The following MEGF11 variants were observed in gnomAD, a reference collection of about 807,000 sequenced individuals.
The protein encoded by MEGF11 is multiple EGF like domains 11.
MEGF11 carries 126 observed loss-of-function variants against 146.6 expected under a neutral mutation model. The ratio of observed to expected loss-of-function variants is 0.86; its 90% CI spans 0.74 to 1.00. The LOEUF (loss-of-function observed/expected upper bound fraction) is 1.00. Ranked by LOEUF, MEGF11 falls within the 50% of genes least tolerant of loss-of-function variation. The pLI is 0.00. For synonymous variants in MEGF11, 532 were observed against 583.4 expected (o/e 0.91, Z 1.27); for missense variants, 1,509 against 1,521.2 (o/e 0.99, Z 0.13).
intron 5 of MEGF11, among the ~76,000 whole-genome samples, chr15:66,039,724 G>C (rs1024204995): frequency 6.6e-6 from 1 of 152,256 alleles, no homozygotes; most frequent in South Asian, 2.1e-4. Context: ...ACAGAGCAGA[G>C]GTGAGCCATT....
intron 9 of MEGF11, among the ~76,000 whole-genome samples, chr15:65,961,987 A>G (rs2080872524): frequency 6.6e-6 from 1 of 152,176 alleles, no homozygotes; most frequent in Non-Finnish European, 1.5e-5. Flanking sequence ...ATGCATAGAG[A>G]GGAGAAGAAG....
At chr15:66,182,467 A>G (rs889404557) in intron 1 of MEGF11, among the ~76,000 whole-genome samples, 9 of 152,220 alleles carry the variant, frequency 5.9e-5, no homozygotes, top group Admixed American at 3.3e-4. Flanking sequence ...CACAGGAGTA[A>G]GAACTGTCAC....
intron 1 of MEGF11, among the ~76,000 whole-genome samples, chr15:66,139,152 C>T (rs2089028648): frequency 6.6e-6 from 1 of 152,224 alleles, no homozygotes; most frequent in Non-Finnish European, 1.5e-5. Flanking sequence ...CTCACAGCCA[C>T]ATGCATTTGC....
rs769990613 is a variant in MEGF11 at position 65,982,430 on chromosome 15, G to A, written c.453C>T (p.Gly151=). 4 of 1,499,156 alleles carry A rather than the reference G, an allele frequency of 2.7e-6. No homozygotes were observed. Among genetic ancestry groups the A allele is most frequent in the East Asian group, 2.5e-5 (1 of 40,364 alleles). The allele number at this position is 1,499,156 out of a possible 1,614,324, so 92.9% of individuals were successfully genotyped here. The stretch of plus-strand genomic sequence containing the variant: ...CGCCTGTGATGGGGTTACACAGGGC[G>A]CCGTTCTGGCACTGGCACCGGTTGC... ...HCSNRCQCQN[G]ALCNPITGAC... is the part of the protein sequence containing the mutation. The change falls in exon 6 of 26, where the codon GGC becomes GGT. Residue 151 remains glycine (G), a synonymous_variant. Coordinates refer to ENST00000395614, the MANE Select transcript of MEGF11 (RefSeq NM_001385028.1). The surrounding 1 kb of genome is among the most constrained non-coding windows in gnomAD (Gnocchi z 5.6).
chr15:65,985,849 G>A (rs1212718575), intron 5 of MEGF11, among the ~76,000 whole-genome samples: 2 of 151,950 alleles, frequency 1.3e-5, no homozygotes, highest in East Asian at 1.9e-4. Flanking sequence ...GATTATAGAA[G>A]GACATGTAAA....
intron 8 of MEGF11, among the ~76,000 whole-genome samples, chr15:65,967,768 C>T (rs1350418443): frequency 6.6e-6 from 1 of 152,098 alleles, no homozygotes; most frequent in Non-Finnish European, 1.5e-5. Flanking sequence ...GCTTCCTTCC[C>T]AAGAAGATGC....
At chr15:66,172,424 C>T (rs1415821457) in intron 1 of MEGF11, among the ~76,000 whole-genome samples, 2 of 152,242 alleles carry the variant, frequency 1.3e-5, no homozygotes, top group Non-Finnish European at 2.9e-5. Flanking sequence ...GGCAGCCTTG[C>T]CCTCTGCTTC....
chr15:66,184,347 T>C (rs1381850955), intron 1 of MEGF11, among the ~76,000 whole-genome samples: 1 of 152,130 alleles, frequency 6.6e-6, no homozygotes, highest in Non-Finnish European at 1.5e-5. Context: ...TCAGCTAGCC[T>C]GTGGTCTCCA....
intron 1 of MEGF11, among the ~76,000 whole-genome samples, chr15:66,142,573 G>A (rs779800526): frequency 1.1e-4 from 16 of 152,220 alleles, no homozygotes; most frequent in Non-Finnish European, 1.9e-4. Context: ...GAGCCGGCAC[G>A]ACCGCCAGCC....
intron 3 of MEGF11, 131 bp downstream of exon 3, chr15:66,123,768 A>G: frequency 1.4e-6 from 1 of 699,660 alleles, no homozygotes; most frequent in Non-Finnish European, 2.5e-6. Context: ...CCATCAGCAG[A>G]GCATCTTGGG....
chr15:66,083,761 T>A lies in MEGF11; in HGVS notation c.394+10641A>T, dbSNP rs543098962. Among the ~76,000 whole-genome samples the A allele has an allele frequency of 1.1e-4, 17 of 152,060 alleles. No homozygotes were observed. In the East Asian group the frequency reaches 2.3e-3, roughly 21 times the overall value. On this transcript the variant is annotated intron_variant, in intron 5 of 25. Coordinates refer to ENST00000395614, the MANE Select transcript of MEGF11 (RefSeq NM_001385028.1). ...AGATCCTGTATTTACGAAAAAAATTTAAAAAATTAGCCCAGCATGGCGACA... is the reference window on the plus strand; with the variant it reads ...AGATCCTGTATTTACGAAAAAAATTAAAAAAATTAGCCCAGCATGGCGACA...
chr15:66,108,265 C>T (rs1396521202), intron 4 of MEGF11, among the ~76,000 whole-genome samples: 3 of 152,162 alleles, frequency 2.0e-5, no homozygotes, highest in Non-Finnish European at 4.4e-5. Flanking sequence ...GAAGAAAATG[C>T]CAGAAACCAC....
At chr15:66,106,822 A>G (rs927243944) in intron 4 of MEGF11, among the ~76,000 whole-genome samples, 4 of 152,206 alleles carry the variant, frequency 2.6e-5, no homozygotes, top group African/African-American at 9.7e-5. Context: ...CTGCAGCGTC[A>G]AATGAGGGAT....
chr15:66,137,214 G>A (rs2088925081), intron 1 of MEGF11, among the ~76,000 whole-genome samples: 1 of 152,176 alleles, frequency 6.6e-6, no homozygotes, highest in African/African-American at 2.4e-5. Context: ...GTCATCTTTT[G>A]GGGAAGGGAT....
intron 12 of MEGF11, among the ~76,000 whole-genome samples, chr15:65,928,883 C>G (rs74434915): frequency 6.6e-6 from 1 of 152,270 alleles, no homozygotes; most frequent in East Asian, 1.9e-4. Flanking sequence ...TGAAAGTGCA[C>G]TTTGCAGATT....
intron 5 of MEGF11, among the ~76,000 whole-genome samples, chr15:66,057,614 A>G (rs920180105): frequency 6.6e-6 from 1 of 152,002 alleles, no homozygotes; most frequent in Admixed American, 6.6e-5. Context: ...AAGTGATGCA[A>G]GCAGATGAAG....
intron 10 of MEGF11, among the ~76,000 whole-genome samples, chr15:65,943,478 G>A (rs60367469): frequency 7.5e-4 from 114 of 152,164 alleles, no homozygotes; most frequent in African/African-American, 2.6e-3. Flanking sequence ...GTGTGCTAGC[G>A]GTGGTATATA....
intron 1 of MEGF11, among the ~76,000 whole-genome samples, chr15:66,218,978 GCAAA>G (rs2091658155): frequency 1.3e-4 from 3 of 22,596 alleles, no homozygotes; most frequent in Admixed American, 2.4e-4. Context: ...ATATCCACAG[GCAAA>G]AAAAAAAAAA....
At chr15:66,094,057 G>A (rs1216832372) in intron 5 of MEGF11, among the ~76,000 whole-genome samples, 1 of 152,120 alleles carries the variant, frequency 6.6e-6, no homozygotes, top group Non-Finnish European at 1.5e-5. Context: ...CTAGACGACG[G>A]CGACCTCCTC....
Sources: gnomAD v4.1 joint callset for allele counts (sites outside exome capture counted in the v4.1 genomes callset) on GRCh38, gnomAD v4.1.1 for gene constraint, Gnocchi (gnomAD v3.1) non-coding constraint, MANE v1.5 for transcripts, NCBI Gene and HGNC (gene_info 2026-07-23, HGNC 2026-07-21) for gene names.